Variants in TEX36 observed in about 807,000 individuals in gnomAD.
The protein encoded by TEX36 is testis-expressed protein 36.
In TEX36, 12 loss-of-function variants were observed where a neutral mutation model predicts 13.6. The ratio of observed to expected loss-of-function variants is 0.88; its 90% CI spans 0.56 to 1.43. The LOEUF (loss-of-function observed/expected upper bound fraction) is 1.43. Ranked by LOEUF, TEX36 falls within the 40% of genes most tolerant of loss-of-function variation. TEX36 has a pLI of 0.00. For missense variants in TEX36, 224 were observed against 228.3 expected (o/e 0.98, Z 0.12); for synonymous variants, 93 against 83.0 (o/e 1.12, Z -0.65).
intron 3 of TEX36, among the ~76,000 whole-genome samples, chr10:125,614,360 C>T (rs1300219536): frequency 6.6e-6 from 1 of 152,084 alleles, no homozygotes; most frequent in Non-Finnish European, 1.5e-5. Flanking sequence ...CTTGCCCATG[C>T]CTATGTCCTG....
intron 3 of TEX36, among the ~76,000 whole-genome samples, chr10:125,608,844 A>T (rs1367120859): frequency 1.3e-5 from 2 of 151,936 alleles, no homozygotes; most frequent in Non-Finnish European, 2.9e-5. Context: ...TAAAAATTTT[A>T]AAAAGGGAGG....
downstream of TEX36, among the ~76,000 whole-genome samples, chr10:125,617,691 C>T (rs1846376553): frequency 6.6e-6 from 1 of 152,178 alleles, no homozygotes; most frequent in Admixed American, 6.5e-5. Context: ...TGAGGGTAAC[C>T]TGACCTTTCT....
At chr10:125,661,712 C>G (rs979434905) in intron 2 of TEX36, 134 bp downstream of exon 2, 8 of 1,226,348 alleles carry the variant, frequency 6.5e-6, no homozygotes, top group Non-Finnish European at 8.9e-6. Flanking sequence ...GGGATACTAC[C>G]AACCCTTAGG....
At chr10:125,676,734 G>A (rs1455921632) in intron 1 of TEX36, among the ~76,000 whole-genome samples, 1 of 151,914 alleles carries the variant, frequency 6.6e-6, no homozygotes, top group Non-Finnish European at 1.5e-5. Flanking sequence ...GTGGTTCGGT[G>A]GATTTCTGTA....
downstream of TEX36, among the ~76,000 whole-genome samples, chr10:125,621,459 T>G (rs2133560151): frequency 6.6e-6 from 1 of 152,184 alleles, no homozygotes; most frequent in East Asian, 1.9e-4. Flanking sequence ...TGACATGTTT[T>G]CATGTGCTGG....
rs79931789 is a variant in TEX36 at position 125,667,340 on chromosome 10, C to T, written c.52-5363G>A. On this transcript the variant is annotated intron_variant, in intron 1 of 3. Coordinates refer to ENST00000368821, the MANE Select transcript of TEX36 (RefSeq NM_001128202.3). ...AGCAGTCAGCACCTTCTTGGTCACA[C>T]ACTGGCAGTGCTTCAAGTCATGGTC... 1.0e-4 allele frequency: 66 copies of T among 644,228 alleles called. No homozygotes were observed. The East Asian group carries it at 2.2e-3, about 22-fold the overall frequency. 39.9% of individuals were successfully genotyped at this position (644,228 alleles called of 1,614,324 possible).
chr10:125,648,057 G>C (rs997671503), intron 3 of TEX36, among the ~76,000 whole-genome samples: 1 of 152,242 alleles, frequency 6.6e-6, no homozygotes, highest in South Asian at 2.1e-4. Flanking sequence ...GCCTGCCTCT[G>C]TAGACTTCAC....
intron 3 of TEX36, among the ~76,000 whole-genome samples, chr10:125,590,184 G>A (rs561452142): frequency 9.9e-5 from 15 of 151,830 alleles, no homozygotes; most frequent in Admixed American, 5.2e-4. Context: ...GCACCATCTC[G>A]GATCACTGCA....
At chr10:125,646,743 G>T (rs1846774780) in intron 3 of TEX36, among the ~76,000 whole-genome samples, 1 of 151,846 alleles carries the variant, frequency 6.6e-6, no homozygotes, top group Non-Finnish European at 1.5e-5. Context: ...TAAAACAAAT[G>T]GTTTCCTCTA....
intron 1 of TEX36, among the ~76,000 whole-genome samples, chr10:125,679,490 C>T (rs991756336): frequency 6.6e-6 from 1 of 152,068 alleles, no homozygotes; most frequent in Admixed American, 6.5e-5. Context: ...CCACAGTTTC[C>T]GGGAGACTCT....
rs576083964 is a variant in TEX36, at chr10:125,643,043, C to T, written c.264+17978G>A. ...CAGTGAATTTGAGAAGGGGCAGGGT[C>T]CAGGGCATTTGACGAGGTTATTCAT... On this transcript the variant is annotated intron_variant, in intron 3 of 3. Transcript: ENST00000526819. Among the ~76,000 whole-genome samples the T allele has an allele frequency of 2.9e-4, 44 of 152,236 alleles. 1 individual carries two copies. The highest frequency in any genetic ancestry group is 2.5e-3 in the Admixed American group (38 of 15,290).
rs111872603 is a variant in TEX36 at position 125,641,835 on chromosome 10, T to C, written c.264+19186A>G. On this transcript the variant is annotated intron_variant, in intron 3 of 3. Coordinates refer to the TEX36 transcript ENST00000526819. ...AGAGTCCCCAGGACCTACCCCTCCATTCCTGTGCAGTATCCTTTTGTTTTT... is the reference window on the plus strand; with the variant it reads ...AGAGTCCCCAGGACCTACCCCTCCACTCCTGTGCAGTATCCTTTTGTTTTT... Among the ~76,000 whole-genome samples, 81 of 152,332 alleles carry C rather than the reference T, an allele frequency of 5.3e-4. 1 individual carries two copies. Among genetic ancestry groups the C allele is most frequent in the African/African-American group, 1.9e-3 (78 of 41,586 alleles).
At chr10:125,621,070 G>A (rs1377651926), downstream of TEX36, among the ~76,000 whole-genome samples, 1 of 152,124 alleles carries the variant, frequency 6.6e-6, no homozygotes, top group African/African-American at 2.4e-5. Flanking sequence ...GTAGTGAATT[G>A]TGTTGCTATA....
intron 3 of TEX36, among the ~76,000 whole-genome samples, chr10:125,587,300 G>A (rs750792707): frequency 3.9e-5 from 6 of 152,146 alleles, no homozygotes; most frequent in Non-Finnish European, 8.8e-5. Flanking sequence ...GCCAGCCTGG[G>A]CAACTTACTG....
chr10:125,646,154 C>G lies in TEX36; in HGVS notation c.264+14867G>C, dbSNP rs542276629. On this transcript the variant is annotated intron_variant, in intron 3 of 3. Transcript: ENST00000526819. The stretch of plus-strand genomic sequence containing the variant: ...GACCATCTGGGCAACATGGTGAAAC[C>G]CTGTCTCCACTAAAAATACAATATA... 1.1e-3 allele frequency among the ~76,000 whole-genome samples: 164 copies of G among 152,054 alleles called. 1 individual carries two copies. Among genetic ancestry groups the G allele is most frequent in the African/African-American group, 3.8e-3 (158 of 41,472 alleles).
chr10:125,576,858 G>T (rs77774010), exon 4 of TEX36: 3 of 1,535,964 alleles, frequency 2.0e-6, no homozygotes, highest in Admixed American at 3.9e-5. Flanking sequence ...CTGTGGGTCC[G>T]TTGCTGTCAT....
At chr10:125,657,072 C>T (rs1303279947) in intron 3 of TEX36, among the ~76,000 whole-genome samples, 2 of 151,856 alleles carry the variant, frequency 1.3e-5, no homozygotes, top group African/African-American at 4.8e-5. Context: ...CAAAATTGTA[C>T]ATTCTGTTTG....
chr10:125,645,101 T>G (rs556571700), intron 3 of TEX36, among the ~76,000 whole-genome samples: 9 of 152,210 alleles, frequency 5.9e-5, no homozygotes, highest in Non-Finnish European at 1.2e-4. Context: ...GATTTTAGCC[T>G]GTAAGACCTT....
chr10:125,604,948 A>C (rs997496937), intron 3 of TEX36, among the ~76,000 whole-genome samples: 15 of 152,228 alleles, frequency 9.9e-5, no homozygotes, highest in African/African-American at 3.6e-4. Context: ...TTGCATAATT[A>C]TTTCATTACA....
Sources: allele counts gnomAD v4.1 joint callset (sites outside exome capture counted in the v4.1 genomes callset), GRCh38; gene constraint gnomAD v4.1.1; transcripts MANE v1.5; gene names NCBI Gene and HGNC (gene_info 2026-07-23, HGNC 2026-07-21).